TNS3: variants seen among roughly 807,000 people sequenced by gnomAD.
TNS3 encodes tensin-3.
Under a neutral mutation model 140.9 loss-of-function variants are expected in TNS3, and 45 were observed. The observed-to-expected ratio is 0.32, with a 90% confidence interval of 0.25 to 0.41. The LOEUF is 0.41. Among genes scored for constraint, TNS3 ranks in the 10% least tolerant of loss-of-function variants. The pLI, the probability that TNS3 is intolerant of heterozygous loss-of-function variation, is 1.00. For synonymous variants in TNS3, 815 were observed against 788.4 expected (o/e 1.03, Z -0.56); for missense variants, 1,716 against 1,906.7 (o/e 0.90, Z 1.86).
chr7:47,295,292 T>C (rs1785944099), intron 24 of TNS3, among the ~76,000 whole-genome samples: 1 of 152,186 alleles, frequency 6.6e-6, no homozygotes, highest in South Asian at 2.1e-4. Context: ...AGATAATGCA[T>C]GCAGAAATGT....
rs980963888 is a variant in TNS3 at position 47,459,986 on chromosome 7, T to G, written c.-75-17931A>C. Among the ~76,000 whole-genome samples, 3 of 151,940 alleles carry G rather than the reference T, an allele frequency of 2.0e-5. 1 individual carries two copies. Among genetic ancestry groups the G allele is most frequent in the Admixed American group, 2.0e-4 (3 of 15,268 alleles). The stretch of plus-strand genomic sequence containing the variant: ...CCATTAGGGTGGCCCTAATCCAGTA[T>G]GAGTGGTGTCTTTATAAAAAGAGGA... On this transcript the variant is annotated intron_variant, in intron 4 of 30. Coordinates refer to ENST00000311160, the MANE Select transcript of TNS3 (RefSeq NM_022748.12).
chr7:47,344,841 G>A lies in TNS3; in HGVS notation c.2567-3C>T, dbSNP rs745924214. 6.2e-7 allele frequency: 1 copy of A among 1,613,754 alleles called. No individual in the cohort carries two copies. Among genetic ancestry groups the A allele is most frequent in the Non-Finnish European group, 8.5e-7 (1 of 1,179,898 alleles). On this transcript the variant is annotated splice_polypyrimidine_tract_variant and splice_region_variant and intron_variant, in intron 19 of 30. Coordinates refer to ENST00000311160, the MANE Select transcript of TNS3 (RefSeq NM_022748.12). ...AGGATGGCGCAGCGCTGTTTTCACT[G>A]GAAAAGAAAGCAGAGCAAGGGGCTG...
In TNS3 at chr7:47,411,933, A is replaced by G. The variant is rs528307658; in HGVS notation, c.648-131T>C. ...AGAATGCCCAATCAGCCCAGAATCT[A>G]ATTCCTGAGAATCTAAATGAATCTA... On this transcript the variant is annotated intron_variant, in intron 12 of 30. Coordinates refer to ENST00000311160, the MANE Select transcript of TNS3 (RefSeq NM_022748.12). The G allele has an allele frequency of 7.4e-6, 6 of 810,526 alleles. No individual in the cohort carries two copies. The African/African-American group carries it at 1.0e-4, about 14-fold the overall frequency. 50.2% of individuals were successfully genotyped at this position (810,526 alleles called of 1,614,324 possible). A position where few individuals can be genotyped will look rare whatever the true frequency, so the allele number is the denominator to read the frequency against.
At chr7:47,508,989 G>C (rs779318349) in intron 2 of TNS3, among the ~76,000 whole-genome samples, 1 of 152,188 alleles carries the variant, frequency 6.6e-6, no homozygotes, top group South Asian at 2.1e-4. Flanking sequence ...CCCTGAGCCA[G>C]AACTGCCCAG....
At chr7:47,390,721 C>T (rs1792462310) in intron 16 of TNS3, among the ~76,000 whole-genome samples, 1 of 152,228 alleles carries the variant, frequency 6.6e-6, no homozygotes, top group Non-Finnish European at 1.5e-5. Flanking sequence ...AACCCTCAGA[C>T]ATTCTTGAAG....
At chr7:47,456,164 T>C (rs1796237302) in intron 4 of TNS3, among the ~76,000 whole-genome samples, 1 of 152,154 alleles carries the variant, frequency 6.6e-6, no homozygotes, top group African/African-American at 2.4e-5. Context: ...TAGGTGGAAA[T>C]GTCAGGCCCA....
chr7:47,567,141 A>G (rs575831745), intron 1 of TNS3, among the ~76,000 whole-genome samples: 14 of 152,256 alleles, frequency 9.2e-5, no homozygotes, highest in African/African-American at 3.1e-4. Context: ...TCCTGAATCT[A>G]ATGAGGAGAG....
chr7:47,312,918 C>A (rs944610849), intron 20 of TNS3, among the ~76,000 whole-genome samples: 1 of 152,060 alleles, frequency 6.6e-6, no homozygotes, highest in Non-Finnish European at 1.5e-5. Context: ...AATAAAATGT[C>A]TTTGCTGGGC....
At chr7:47,454,203 A>G (rs1339183308) in intron 4 of TNS3, among the ~76,000 whole-genome samples, 4 of 152,010 alleles carry the variant, frequency 2.6e-5, no homozygotes, top group Non-Finnish European at 5.9e-5. Flanking sequence ...AGGGGGCCCC[A>G]GTTTATAACT....
At chr7:47,526,338 C>T (rs1261831127) in intron 2 of TNS3, among the ~76,000 whole-genome samples, 1 of 152,228 alleles carries the variant, frequency 6.6e-6, no homozygotes, top group East Asian at 1.9e-4. Flanking sequence ...CACTGGATTA[C>T]AGCTCAAGGA....
intron 1 of TNS3, among the ~76,000 whole-genome samples, chr7:47,578,873 G>T (rs1784461729): frequency 6.6e-6 from 1 of 152,222 alleles, no homozygotes; most frequent in Non-Finnish European, 1.5e-5. Flanking sequence ...CCTGCATCCG[G>T]ATTCAACATA....
At chr7:47,330,131 A>T (rs577454498) in intron 20 of TNS3, among the ~76,000 whole-genome samples, 28 of 152,266 alleles carry the variant, frequency 1.8e-4, no homozygotes, top group Middle Eastern at 6.8e-3. Context: ...CCCCCACCCA[A>T]ACACCCAGAG....
chr7:47,488,732 C>G (rs536053466), intron 3 of TNS3, among the ~76,000 whole-genome samples: 1 of 151,996 alleles, frequency 6.6e-6, no homozygotes, highest in Non-Finnish European at 1.5e-5. Flanking sequence ...TCTGACAGGA[C>G]GGGTGGAGAC....
At chr7:47,519,492 G>A (rs1798891532) in intron 2 of TNS3, among the ~76,000 whole-genome samples, 1 of 152,156 alleles carries the variant, frequency 6.6e-6, no homozygotes, top group Non-Finnish European at 1.5e-5. Context: ...GACCCCAGCG[G>A]TGGGGCCACT....
chr7:47,401,193 C>T (rs1440686702), intron 13 of TNS3, among the ~76,000 whole-genome samples: 1 of 152,232 alleles, frequency 6.6e-6, no homozygotes, highest in Non-Finnish European at 1.5e-5. Context: ...GCTCTGAACA[C>T]CACTATCGCT....
intron 16 of TNS3, among the ~76,000 whole-genome samples, chr7:47,372,109 G>T (rs911177948): frequency 6.6e-6 from 1 of 152,194 alleles, no homozygotes; most frequent in Admixed American, 6.5e-5. Flanking sequence ...GTGTGAGAAG[G>T]AGGTGCTGAT....
chr7:47,559,540 G>A (rs117157550), intron 1 of TNS3, among the ~76,000 whole-genome samples: 2 of 152,124 alleles, frequency 1.3e-5, no homozygotes, highest in Non-Finnish European at 2.9e-5. Flanking sequence ...TCATCTTTAC[G>A]CACCCCAGGA....
intron 20 of TNS3, among the ~76,000 whole-genome samples, chr7:47,307,585 A>G (rs1584365501): frequency 6.6e-6 from 1 of 152,224 alleles, no homozygotes; most frequent in Non-Finnish European, 1.5e-5. Flanking sequence ...TCACATCCCC[A>G]CCATCAATCC....
chr7:47,348,914 A>G (rs1789504746), intron 17 of TNS3, among the ~76,000 whole-genome samples: 1 of 152,250 alleles, frequency 6.6e-6, no homozygotes, highest in Admixed American at 6.5e-5. Flanking sequence ...GGACTAAAAC[A>G]TAAGTCTCAA....
Sources: gnomAD v4.1 joint callset for allele counts (sites outside exome capture counted in the v4.1 genomes callset) on GRCh38, gnomAD v4.1.1 for gene constraint, MANE v1.5 for transcripts, NCBI Gene and HGNC (gene_info 2026-07-23, HGNC 2026-07-21) for gene names.